The following OTUD7A variants were observed in gnomAD, a reference collection of about 807,000 sequenced individuals.
OTUD7A encodes OTU domain-containing protein 7A.
OTUD7A carries 12 observed loss-of-function variants against 65.7 expected under a neutral mutation model. That is an observed-to-expected ratio of 0.18 (90% CI 0.12 to 0.30). OTUD7A has a LOEUF of 0.30. Among genes scored for constraint, OTUD7A ranks in the 10% least tolerant of loss-of-function variants. OTUD7A has a pLI of 1.00. For missense variants in OTUD7A, 1,148 were observed against 1,304.8 expected, an observed-to-expected ratio of 0.88 and a Z score of 1.85; for synonymous variants, 641 against 586.3, an observed-to-expected ratio of 1.09 and a Z score of -1.35.
chr15:31,670,257 C>T (rs560654942), intron 1 of OTUD7A, among the ~76,000 whole-genome samples: 1 of 151,882 alleles, frequency 6.6e-6, no homozygotes, highest in Non-Finnish European at 1.5e-5. Flanking sequence ...ATGCATGTAT[C>T]TTTATAACAG....
chr15:31,708,092 G>C (rs1239871336), intron 1 of OTUD7A, among the ~76,000 whole-genome samples: 46 of 151,238 alleles, frequency 3.0e-4, no homozygotes, highest in East Asian at 7.9e-4. Context: ...GTAAAAGAGA[G>C]GCTGGGGACA....
intron 1 of OTUD7A, chr15:31,765,932 A>G: frequency 7.6e-7 from 1 of 1,316,836 alleles, no homozygotes; most frequent in Admixed American, 1.7e-5. Context: ...TCCTGTTTTT[A>G]ACAATATTTT....
intron 1 of OTUD7A, among the ~76,000 whole-genome samples, chr15:31,833,149 G>A (rs989156891): frequency 6.6e-6 from 1 of 152,196 alleles, no homozygotes; most frequent in African/African-American, 2.4e-5. Context: ...GAGGATACAA[G>A]CCTATGCTCC....
chr15:31,620,210 A>T (rs1890734654), intron 3 of OTUD7A, among the ~76,000 whole-genome samples: 1 of 152,050 alleles, frequency 6.6e-6, no homozygotes, highest in Non-Finnish European at 1.5e-5. Context: ...TTCATCAGGG[A>T]TATTAGTCTA....
chr15:31,488,096 G>A (rs2041266450), intron 10 of OTUD7A, among the ~76,000 whole-genome samples: 1 of 152,182 alleles, frequency 6.6e-6, no homozygotes, highest in South Asian at 2.1e-4. Context: ...CACCTGTGCT[G>A]GGGACAGATA....
rs376743119 is a variant in OTUD7A, at chr15:31,527,245, G to A, written c.716C>T (p.Thr239Met). ...CTTCAGGGCTTCCCTCTCAGCTCCC[G>A]TCCTCATCATGGTATAGAGAGCTTT... ...LRKALYTMMRTGAEREALKRR... is the reference protein window; with the variant it reads ...LRKALYTMMRMGAEREALKRR... The change falls in exon 7 of 13, where the codon ACG (threonine) becomes ATG (methionine). Residue 239 changes from threonine to methionine, a missense_variant. By Grantham distance (81) the Thr-to-Met change is moderately conservative. Around this residue, in one of 6 missense-constraint regions of OTUD7A, gnomAD observed 134 missense variants for 252.6 expected, o/e 0.53. Coordinates refer to ENST00000307050, the MANE Select transcript of OTUD7A (RefSeq NM_001382637.1). 62 of 1,614,042 alleles carry A rather than the reference G, an allele frequency of 3.8e-5. No individual in the cohort carries two copies. Among genetic ancestry groups the A allele is most frequent in the Non-Finnish European group, 4.8e-5 (57 of 1,180,036 alleles).
Position 31,828,101 on chromosome 15 carries a change from T to C in OTUD7A, c.-100+42406A>G, listed in dbSNP as rs547257263. ...GTTTTTTCTTTTCCACTTTCCATCCTGAATTCTGTCAGCTTGGGCCCTACT... is the reference window on the plus strand; with the variant it reads ...GTTTTTTCTTTTCCACTTTCCATCCCGAATTCTGTCAGCTTGGGCCCTACT... On this transcript the variant is annotated intron_variant, in intron 1 of 12. Coordinates refer to ENST00000307050, the MANE Select transcript of OTUD7A (RefSeq NM_001382637.1). 2.0e-5 allele frequency among the ~76,000 whole-genome samples: 3 copies of C among 152,348 alleles called. No individual in the cohort carries two copies. In the South Asian group the frequency reaches 6.2e-4, roughly 32 times the overall value.
intron 1 of OTUD7A, among the ~76,000 whole-genome samples, chr15:31,710,088 G>A (rs1297257357): frequency 2.0e-5 from 3 of 152,094 alleles, no homozygotes; most frequent in Non-Finnish European, 4.4e-5. Context: ...TGGTCACCAC[G>A]AGTGTGCACT....
chr15:31,825,164 G>A (rs551186637), intron 1 of OTUD7A, among the ~76,000 whole-genome samples: 1 of 152,332 alleles, frequency 6.6e-6, no homozygotes, highest in South Asian at 2.1e-4. Flanking sequence ...CAGGATGTCA[G>A]TCAGTCTTGT....
Position 31,736,480 on chromosome 15 carries a change from A to C in OTUD7A, c.-99-79403T>G, listed in dbSNP as rs1894196078. 2.0e-5 allele frequency among the ~76,000 whole-genome samples: 3 copies of C among 152,230 alleles called. No homozygotes were observed. The South Asian group carries it at 6.2e-4, about 31-fold the overall frequency. On this transcript the variant is annotated intron_variant, in intron 1 of 12. Transcript: ENST00000307050. ...GAAAACAAAAAAGAGGTGCTGTCTTAAGCTCTTCAGATATATTAACATACA... is the reference window on the plus strand; with the variant it reads ...GAAAACAAAAAAGAGGTGCTGTCTTCAGCTCTTCAGATATATTAACATACA...
intron 1 of OTUD7A, among the ~76,000 whole-genome samples, chr15:31,748,875 G>A (rs945769329): frequency 5.3e-5 from 8 of 152,056 alleles, no homozygotes; most frequent in African/African-American, 1.9e-4. Context: ...TGCTTCCAGT[G>A]TAGGGCTCTT....
intron 1 of OTUD7A, among the ~76,000 whole-genome samples, chr15:31,857,783 T>C (rs1897615587): frequency 6.6e-6 from 1 of 152,194 alleles, no homozygotes; most frequent in South Asian, 2.1e-4. Context: ...CACTTTTTCT[T>C]AGTAATGTCT....
rs28477864 is a variant in OTUD7A at position 31,845,596 on chromosome 15, C to T, written c.-100+24911G>A. 4.1e-3 allele frequency among the ~76,000 whole-genome samples: 623 copies of T among 152,300 alleles called. 2 individuals carry two copies. The highest frequency in any genetic ancestry group is 0.014 in the African/African-American group (595 of 41,562). On this transcript the variant is annotated intron_variant, in intron 1 of 12. Transcript: ENST00000307050. ...TTGGCCATGTTTTACAGATCCCCAG[C>T]CCCCAACCAGCATGTTGAGGCCCCC...
chr15:31,766,236 G>A lies in OTUD7A; in HGVS notation c.-100+104271C>T, dbSNP rs548205659. ...ACAGCATAACACACATTGAGAAACGGTATGTATCAACAGTGATCTCGCACC... is the reference window on the plus strand; with the variant it reads ...ACAGCATAACACACATTGAGAAACGATATGTATCAACAGTGATCTCGCACC... On this transcript the variant is annotated intron_variant, in intron 1 of 12. Transcript: ENST00000307050. The A allele has an allele frequency of 2.2e-5, 34 of 1,547,130 alleles. No homozygotes were observed. In the African/African-American group the frequency reaches 4.2e-4, roughly 19 times the overall value.
intron 5 of OTUD7A, chr15:31,556,318 TCCA>T (rs944418214): frequency 2.6e-4 from 40 of 152,336 alleles, no homozygotes; most frequent in African/African-American, 8.7e-4. Context: ...AGATGGCTTC[TCCA>T]CCACTGGGTG....
chr15:31,522,817 C>T (rs1458867909), intron 8 of OTUD7A, among the ~76,000 whole-genome samples: 2 of 152,162 alleles, frequency 1.3e-5, no homozygotes, highest in Non-Finnish European at 2.9e-5. Flanking sequence ...GGTCTCTGGT[C>T]CCTGCTGACC....
chr15:31,512,379 G>C (rs897049301), intron 8 of OTUD7A, among the ~76,000 whole-genome samples: 1 of 152,150 alleles, frequency 6.6e-6, no homozygotes, highest in Non-Finnish European at 1.5e-5. Context: ...CCCCATACGG[G>C]TCACCAAAAT....
intron 1 of OTUD7A, among the ~76,000 whole-genome samples, chr15:31,863,079 T>C (rs539001221): frequency 2.0e-5 from 3 of 152,298 alleles, no homozygotes; most frequent in African/African-American, 7.2e-5. Flanking sequence ...CAAAATGATC[T>C]CCTTTGACTC....
Position 31,487,350 on chromosome 15 carries a change from A to G in OTUD7A, c.1287-72T>C. The G allele has an allele frequency of 1.3e-6, 2 of 1,586,486 alleles. No individual in the cohort carries two copies. The highest frequency in any genetic ancestry group is 2.2e-5 in the South Asian group (2 of 89,658). ...ATAGCACCCAGTCCACTTGCATGCCAGCTGTCCCAGGAGGAGCAGGGGTGG... is the reference window on the plus strand; with the variant it reads ...ATAGCACCCAGTCCACTTGCATGCCGGCTGTCCCAGGAGGAGCAGGGGTGG... On this transcript the variant is annotated intron_variant, in intron 11 of 12. Transcript: ENST00000307050. The surrounding 1 kb of genome is among the most constrained non-coding windows in gnomAD (Gnocchi z 6.0).
Sources: gnomAD v4.1 joint callset for allele counts (sites outside exome capture counted in the v4.1 genomes callset) on GRCh38, gnomAD v4.1.1 for gene constraint, gnomAD v4.1.1 regional missense constraint, Gnocchi (gnomAD v3.1) non-coding constraint, MANE v1.5 for transcripts, NCBI Gene and HGNC (gene_info 2026-07-23, HGNC 2026-07-21) for gene names.